Variants in SVEP1 observed in about 807,000 individuals in gnomAD.
The protein encoded by SVEP1 is sushi, von Willebrand factor type A, EGF and pentraxin domain-containing protein 1.
In SVEP1, 164 loss-of-function variants were observed where a neutral mutation model predicts 367.3. The observed-to-expected ratio is 0.45, with a 90% confidence interval of 0.39 to 0.51. The LOEUF is 0.51. Among genes scored for constraint, SVEP1 ranks in the 20% least tolerant of loss-of-function variants. The probability of loss-of-function intolerance (pLI) is 0.00; values close to 1 mark genes in which losing one functional copy is unlikely to be tolerated. For missense variants in SVEP1, 4,117 were observed against 4,425.3 expected, an observed-to-expected ratio of 0.93 and a Z score of 1.98; for synonymous variants, 1,666 against 1,611.6, an observed-to-expected ratio of 1.03 and a Z score of -0.81.
At chr9:110,450,368 G>C (rs1357685563) in intron 23 of SVEP1, 108 bp from the exon 24 acceptor site, 4 of 1,121,940 alleles carry the variant, frequency 3.6e-6, no homozygotes, top group Non-Finnish European at 5.1e-6. Context: ...GATTGGAATG[G>C]AGGCTGTGGA....
chr9:110,379,693 G>A (rs992885), intron 43 of SVEP1, among the ~76,000 whole-genome samples, 176 bp from the exon 44 acceptor site: 129,409 of 152,214 alleles, frequency 0.85, 55,336 homozygotes, highest in African/African-American at 0.94. Flanking sequence ...GAGAAAAATT[G>A]GACACACAAA....
Position 110,411,297 on chromosome 9 carries a change from G to A in SVEP1, c.6414C>T (p.Ser2138=). ...CACACCGCACAGGGATGCACTGGAT[G>A]GACATGGGGGAAGGGTTCCACTGCC... The part of the protein sequence containing the change: ...RGGQWNPSPM[S]IQCIPVRCGE... The change falls in exon 37 of 48, where the codon TCC becomes TCT. Residue 2138 remains serine, a synonymous_variant. Coordinates refer to ENST00000374469, the MANE Select transcript of SVEP1 (RefSeq NM_153366.4). 6.2e-7 allele frequency: 1 copy of A among 1,614,038 alleles called. No individual in the cohort carries two copies.
chr9:110,568,063 C>T (rs1830511932), intron 1 of SVEP1, among the ~76,000 whole-genome samples: 1 of 152,340 alleles, frequency 6.6e-6, no homozygotes, highest in Non-Finnish European at 1.5e-5. Context: ...AGAACAACAA[C>T]TGTTTTATGG....
chr9:110,397,245 CATG>C (rs1175523941), intron 40 of SVEP1, among the ~76,000 whole-genome samples: 1 of 152,198 alleles, frequency 6.6e-6, no homozygotes, highest in African/African-American at 2.4e-5. Context: ...ACAAAAACCA[CATG>C]ATTATCTCAA....
At chr9:110,366,922 A>G (rs1045872975) in intron 47 of SVEP1, among the ~76,000 whole-genome samples, 3 of 152,230 alleles carry the variant, frequency 2.0e-5, no homozygotes, top group Admixed American at 1.3e-4. Flanking sequence ...TTTGCTTAGG[A>G]TCAGTTTTCT....
chr9:110,517,448 G>C (rs1281226618), intron 3 of SVEP1, among the ~76,000 whole-genome samples: 1 of 151,218 alleles, frequency 6.6e-6, no homozygotes, highest in Non-Finnish European at 1.5e-5. Context: ...AAATACAAAA[G>C]TTAGCTGGAC....
At chr9:110,542,752 G>C (rs1406259564) in intron 3 of SVEP1, among the ~76,000 whole-genome samples, 1 of 146,426 alleles carries the variant, frequency 6.8e-6, no homozygotes, top group Non-Finnish European at 1.5e-5. Context: ...TTTACCAAAT[G>C]GATTTTAAAG....
chr9:110,385,387 C>T (rs144636618), intron 43 of SVEP1, among the ~76,000 whole-genome samples: 22 of 152,314 alleles, frequency 1.4e-4, no homozygotes, highest in African/African-American at 4.8e-4. Context: ...AGTAACAAAG[C>T]GCTAACCTAT....
At chr9:110,538,099 G>T (rs571310299) in intron 3 of SVEP1, among the ~76,000 whole-genome samples, 2 of 151,966 alleles carry the variant, frequency 1.3e-5, no homozygotes, top group East Asian at 3.9e-4. Context: ...CTGACTTTGG[G>T]GGTTTGTGAT....
intron 40 of SVEP1, among the ~76,000 whole-genome samples, chr9:110,391,106 C>T (rs933036212): frequency 2.0e-5 from 3 of 152,008 alleles, no homozygotes; most frequent in Non-Finnish European, 2.9e-5. Context: ...AATAAAATGT[C>T]GTTTTCAAAT....
chr9:110,401,813 C>T (rs564145827), intron 39 of SVEP1, among the ~76,000 whole-genome samples: 3 of 151,862 alleles, frequency 2.0e-5, no homozygotes, highest in East Asian at 3.9e-4. Flanking sequence ...TAAGGTGAGG[C>T]ACACACAGAT....
chr9:110,369,418 T>G (rs1314879960), intron 47 of SVEP1, among the ~76,000 whole-genome samples: 1 of 152,220 alleles, frequency 6.6e-6, no homozygotes, highest in Non-Finnish European at 1.5e-5. Flanking sequence ...AAATAAACGT[T>G]TCTTATCAAT....
At chr9:110,449,926 C>T in intron 24 of SVEP1, 133 bp downstream of exon 24, 1 of 1,068,026 alleles carries the variant, frequency 9.4e-7, no homozygotes, top group Non-Finnish European at 1.4e-6. Flanking sequence ...GAATATTCAG[C>T]TGTAGCCTAT....
chr9:110,488,159 T>A (rs987326827), intron 9 of SVEP1, among the ~76,000 whole-genome samples: 3 of 152,208 alleles, frequency 2.0e-5, no homozygotes, highest in African/African-American at 7.2e-5. Flanking sequence ...CAAGCATGAT[T>A]CCAAGGTTTT....
intron 36 of SVEP1, among the ~76,000 whole-genome samples, chr9:110,423,161 A>C (rs1271919777): frequency 7.8e-6 from 1 of 127,416 alleles, no homozygotes; most frequent in African/African-American, 3.2e-5. Context: ...AAAATAAAAA[A>C]ATAAAGTAAA....
chr9:110,475,374 C>A (rs2118681921), intron 14 of SVEP1, among the ~76,000 whole-genome samples: 1 of 152,204 alleles, frequency 6.6e-6, no homozygotes, highest in Non-Finnish European at 1.5e-5. Context: ...CTTATATACC[C>A]ATTTTATAGG....
In SVEP1 at chr9:110,443,640, A is replaced by G. The variant is rs1190330641; in HGVS notation, c.4544T>C (p.Ile1515Thr). The change falls in exon 27 of 48, where the codon ATC (isoleucine) becomes ACC (threonine). Residue 1515 changes from isoleucine to threonine, a missense_variant. Physicochemically the swap from Ile to Thr is moderately conservative, Grantham distance 89. This residue lies in a region of SVEP1 where 2,174 missense variants were observed against 2,494.3 expected (regional missense o/e 0.87). Transcript: ENST00000374469. ...GATGCCATTGGCACTTGTCCAAGTG[A>G]TTGCAATATGATGCCATCTGCCATC... The part of the protein sequence containing the change: ...VNDGRWHHIA[I>T]TWTSANGIWK... 4 of 1,613,442 alleles carry G rather than the reference A, an allele frequency of 2.5e-6. No individual in the cohort carries two copies. The highest frequency in any genetic ancestry group is 1.7e-5 in the Admixed American group (1 of 59,932).
intron 24 of SVEP1, among the ~76,000 whole-genome samples, chr9:110,447,658 A>G (rs1828623527): frequency 6.6e-6 from 1 of 152,146 alleles, no homozygotes; most frequent in Non-Finnish European, 1.5e-5. Context: ...AGGAAGTCCC[A>G]TATAGTGAGT....
At chr9:110,517,464 G>A (rs916904766) in intron 3 of SVEP1, among the ~76,000 whole-genome samples, 4 of 151,920 alleles carry the variant, frequency 2.6e-5, no homozygotes, top group Non-Finnish European at 5.9e-5. Context: ...TGGACATGGT[G>A]GCAGTTGTCT....
Sources: allele counts gnomAD v4.1 joint callset (sites outside exome capture counted in the v4.1 genomes callset), GRCh38; gene constraint gnomAD v4.1.1; regional missense constraint gnomAD v4.1.1; transcripts MANE v1.5; gene names NCBI Gene and HGNC (gene_info 2026-07-23, HGNC 2026-07-21).